The following TXNDC16 variants were observed in gnomAD, a reference collection of about 807,000 sequenced individuals.
TXNDC16 encodes thioredoxin domain containing 16, also known as thioredoxin domain-containing protein 16.
A neutral mutation model predicts 85.6 loss-of-function variants in TXNDC16; 74 were observed. That is an observed-to-expected ratio of 0.86 (90% CI 0.72 to 1.05). The LOEUF (loss-of-function observed/expected upper bound fraction) is 1.05. Ranked by LOEUF, TXNDC16 falls within the 50% of genes least tolerant of loss-of-function variation. TXNDC16 has a pLI of 0.00. For missense variants in TXNDC16, 959 were observed against 947.0 expected (o/e 1.01, Z -0.17); for synonymous variants, 335 against 326.5 (o/e 1.03, Z -0.28).
intron 1 of TXNDC16, among the ~76,000 whole-genome samples, chr14:52,545,162 C>A (rs1000843681): frequency 6.6e-6 from 1 of 152,106 alleles, no homozygotes; most frequent in Non-Finnish European, 1.5e-5. Flanking sequence ...TCTTTCCTGG[C>A]CTCCAGGTTA....
intron 9 of TXNDC16, among the ~76,000 whole-genome samples, chr14:52,510,170 G>C (rs1321002601): frequency 2.0e-5 from 3 of 152,098 alleles, no homozygotes; most frequent in African/African-American, 7.2e-5. Context: ...ACACAAATCA[G>C]AAGGGCAAGG....
intron 20 of TXNDC16, among the ~76,000 whole-genome samples, chr14:52,437,672 GGGAT>G (rs1319834986): frequency 6.6e-6 from 1 of 152,138 alleles, no homozygotes; most frequent in African/African-American, 2.4e-5. Context: ...TGTCTGACAA[GGGAT>G]TAATAGCCAG....
intron 6 of TXNDC16, among the ~76,000 whole-genome samples, chr14:52,528,699 TTTTG>T (rs926150735): frequency 3.3e-5 from 5 of 150,618 alleles, no homozygotes; most frequent in Admixed American, 6.6e-5. Context: ...TGAAATACTA[TTTTG>T]TTTATTATTA....
At position 52,532,530 on chromosome 14, in the gene TXNDC16, G is replaced by A. The variant is rs561862384; in HGVS notation, c.392+4189C>T. ...CAGCTCACTGCAAGCTCCACCTCCC[G>A]GATTCACACCATTCTCCTGCCTCAG... On this transcript the variant is annotated intron_variant, in intron 6 of 20. Transcript: ENST00000281741. Among the ~76,000 whole-genome samples, 43 of 151,914 alleles carry A rather than the reference G, an allele frequency of 2.8e-4. 1 individual carries two copies. The South Asian group carries it at 8.7e-3, about 31-fold the overall frequency.
At chr14:52,507,002 A>G (rs888735926) in intron 9 of TXNDC16, among the ~76,000 whole-genome samples, 1 of 152,042 alleles carries the variant, frequency 6.6e-6, no homozygotes, top group East Asian at 1.9e-4. Context: ...GAAAACTGGC[A>G]CAAGACAGGG....
At chr14:52,517,351 C>A (rs929450869) in intron 7 of TXNDC16, among the ~76,000 whole-genome samples, 3 of 152,118 alleles carry the variant, frequency 2.0e-5, no homozygotes, top group Non-Finnish European at 4.4e-5. Context: ...GCTAGCATCA[C>A]CAAGCTAATG....
At chr14:52,445,786 G>A (rs1472233402) in intron 18 of TXNDC16, among the ~76,000 whole-genome samples, 1 of 152,180 alleles carries the variant, frequency 6.6e-6, no homozygotes, top group Non-Finnish European at 1.5e-5. Context: ...GGAGCAATAT[G>A]CTATACCTTA....
chr14:52,471,722 C>G (rs1308031006), intron 14 of TXNDC16, among the ~76,000 whole-genome samples: 1 of 151,906 alleles, frequency 6.6e-6, no homozygotes, highest in Non-Finnish European at 1.5e-5. Flanking sequence ...ACATGTGAAA[C>G]TCATCCAGGA....
chr14:52,529,947 A>C (rs181851223), intron 6 of TXNDC16, among the ~76,000 whole-genome samples: 1,404 of 106,896 alleles, frequency 0.013, 29 homozygotes, highest in African/African-American at 0.052. Context: ...TATATGAATT[A>C]TATATTACAT....
intron 18 of TXNDC16, among the ~76,000 whole-genome samples, chr14:52,444,345 A>G (rs2035232680): frequency 6.6e-6 from 1 of 152,150 alleles, no homozygotes; most frequent in African/African-American, 2.4e-5. Flanking sequence ...AAATATATCA[A>G]TGCTTATGTA....
chr14:52,503,737 T>C (rs1009765918), intron 9 of TXNDC16, among the ~76,000 whole-genome samples: 1 of 152,102 alleles, frequency 6.6e-6, no homozygotes, highest in Non-Finnish European at 1.5e-5. Flanking sequence ...ATGACTTTCA[T>C]GAGTTGAGAG....
At chr14:52,488,613 A>G (rs899463344) in intron 11 of TXNDC16, 127 bp from the exon 12 acceptor site, 1 of 647,082 alleles carries the variant, frequency 1.5e-6, no homozygotes, top group South Asian at 2.0e-5. Flanking sequence ...AGGCAGGCGG[A>G]TCATCTGAGG....
chr14:52,515,919 G>T (rs1263363298), intron 7 of TXNDC16, among the ~76,000 whole-genome samples: 1 of 151,924 alleles, frequency 6.6e-6, no homozygotes, highest in Non-Finnish European at 1.5e-5. Flanking sequence ...AAGCCATATG[G>T]TACAGAATGG....
At chr14:52,474,508 T>G (rs2035977238) in intron 14 of TXNDC16, among the ~76,000 whole-genome samples, 1 of 152,166 alleles carries the variant, frequency 6.6e-6, no homozygotes, top group South Asian at 2.1e-4. Flanking sequence ...TGTGGGAGGC[T>G]GAGGCAGGTG....
rs1316571819 is a variant in TXNDC16 at position 52,506,573 on chromosome 14, G to A, written c.756+4667C>T. ...TTTTCTTTTTTCTTTTTTTTGAGAC[G>A]GAGTCTCGCTCTGTCGCCCAGGCCA... On this transcript the variant is annotated intron_variant, in intron 9 of 20. Transcript: ENST00000281741. Among the ~76,000 whole-genome samples the A allele has an allele frequency of 1.7e-4, 18 of 107,538 alleles. 1 individual carries two copies. The East Asian group carries it at 2.4e-3, about 14-fold the overall frequency. The allele number at this position is 107,538 out of a possible 152,430, so 70.5% of individuals were successfully genotyped here.
chr14:52,503,526 G>A (rs576789262), intron 9 of TXNDC16, among the ~76,000 whole-genome samples: 11 of 152,066 alleles, frequency 7.2e-5, no homozygotes, highest in African/African-American at 1.7e-4. Flanking sequence ...ACTGTTAGAA[G>A]GAAAACTAAC....
At chr14:52,471,278 T>A (rs2035901008) in intron 14 of TXNDC16, among the ~76,000 whole-genome samples, 1 of 152,184 alleles carries the variant, frequency 6.6e-6, no homozygotes, top group Non-Finnish European at 1.5e-5. Context: ...TTTTAATATA[T>A]CTAATTACTG....
intron 6 of TXNDC16, among the ~76,000 whole-genome samples, chr14:52,535,110 T>C (rs1176657710): frequency 6.6e-6 from 1 of 152,208 alleles, no homozygotes; most frequent in Non-Finnish European, 1.5e-5. Flanking sequence ...GACTTCTTTT[T>C]CTGTTTCTTC....
chr14:52,509,735 T>C (rs2036909175), intron 9 of TXNDC16, among the ~76,000 whole-genome samples: 1 of 151,904 alleles, frequency 6.6e-6, no homozygotes, highest in Non-Finnish European at 1.5e-5. Context: ...TCCCAGCACT[T>C]TGGGAGGTCC....
Sources: allele counts gnomAD v4.1 joint callset (sites outside exome capture counted in the v4.1 genomes callset), GRCh38; gene constraint gnomAD v4.1.1; transcripts MANE v1.5; gene names NCBI Gene and HGNC (gene_info 2026-07-23, HGNC 2026-07-21).